TRAF3: variants seen among roughly 807,000 people sequenced by gnomAD.
The protein encoded by TRAF3 is TNF receptor associated factor 3.
Under a neutral mutation model 62.3 loss-of-function variants are expected in TRAF3, and 13 were observed. The ratio of observed to expected loss-of-function variants is 0.21; its 90% CI spans 0.14 to 0.33. The LOEUF (loss-of-function observed/expected upper bound fraction) is 0.33. Among genes scored for constraint, TRAF3 ranks in the 10% least tolerant of loss-of-function variants. The pLI is 1.00. For synonymous variants in TRAF3, 269 were observed against 283.4 expected, an observed-to-expected ratio of 0.95 and a Z score of 0.51; for missense variants, 440 against 741.8, an observed-to-expected ratio of 0.59 and a Z score of 4.73.
intron 2 of TRAF3, among the ~76,000 whole-genome samples, chr14:102,860,143 T>C (rs1887600008): frequency 6.6e-6 from 1 of 152,230 alleles, no homozygotes; most frequent in Non-Finnish European, 1.5e-5. Context: ...GAGCATGCTC[T>C]TAATCCAGAC....
intron 1 of TRAF3, among the ~76,000 whole-genome samples, chr14:102,818,463 A>G (rs1419569643): frequency 6.6e-6 from 1 of 152,236 alleles, no homozygotes; most frequent in Non-Finnish European, 1.5e-5. Flanking sequence ...TCTTGTGGAC[A>G]GATCAGGTGG....
Position 102,848,104 on chromosome 14 carries a change from A to G in TRAF3, c.-18+17632A>G, listed in dbSNP as rs779853737. Among the ~76,000 whole-genome samples, 8 of 152,184 alleles carry G rather than the reference A, an allele frequency of 5.3e-5. 1 individual carries two copies. Among genetic ancestry groups the G allele is most frequent in the Non-Finnish European group, 7.3e-5 (5 of 68,030 alleles). On this transcript the variant is annotated intron_variant, in intron 2 of 11. Coordinates refer to ENST00000392745, the MANE Select transcript of TRAF3 (RefSeq NM_145725.3). The stretch of plus-strand genomic sequence containing the variant: ...CTCATGGAGTATTGCATTTTTTGAT[A>G]CAAGAACTATTTGCTCCTTAACATC...
At chr14:102,805,308 C>T (rs566807959) in intron 1 of TRAF3, among the ~76,000 whole-genome samples, 30 of 152,298 alleles carry the variant, frequency 2.0e-4, no homozygotes, top group African/African-American at 7.0e-4. Context: ...CTCAAAAACT[C>T]TGTGGTAAAC....
intron 3 of TRAF3, among the ~76,000 whole-genome samples, chr14:102,871,218 C>T (rs1228980119): frequency 6.6e-6 from 1 of 152,228 alleles, no homozygotes; most frequent in Non-Finnish European, 1.5e-5. Context: ...AGCCCCCTGC[C>T]CTGTCACCTG....
rs1890601745 is a variant in TRAF3, at chr14:102,906,748, G to T, written c.*964G>T. The T allele has an allele frequency of 1.3e-5, 2 of 152,230 alleles. No homozygotes were observed. Among genetic ancestry groups the T allele is most frequent in the Admixed American group, 6.5e-5 (1 of 15,288 alleles). The allele number at this position is 152,230 out of a possible 1,614,324, so 9.4% of individuals were successfully genotyped here. The stretch of plus-strand genomic sequence containing the variant: ...GTGTTCGGACGAGCTCTCTGTTGCT[G>T]ACAGCACCGGCCTTCGGTCTCCATG... On this transcript the variant is annotated 3_prime_UTR_variant, in exon 12 of 12. Coordinates refer to ENST00000392745, the MANE Select transcript of TRAF3 (RefSeq NM_145725.3).
At chr14:102,895,948 C>G (rs1052701493) in intron 9 of TRAF3, among the ~76,000 whole-genome samples, 1 of 152,048 alleles carries the variant, frequency 6.6e-6, no homozygotes, top group Non-Finnish European at 1.5e-5. Flanking sequence ...GGGTGTAGCA[C>G]CCATGTAATT....
chr14:102,846,638 TAAAAAAAAAAAAAAAAA>T (rs752922791), intron 2 of TRAF3, among the ~76,000 whole-genome samples: 1 of 71,786 alleles, frequency 1.4e-5, no homozygotes, highest in African/African-American at 6.3e-5. Context: ...TCCAGCTTCT[TAAAAAAAAAAAAAAAAA>T]AAAAAAAAAA....
intron 6 of TRAF3, among the ~76,000 whole-genome samples, chr14:102,879,295 A>C (rs1348722236): frequency 1.3e-5 from 2 of 152,070 alleles, no homozygotes; most frequent in Non-Finnish European, 1.5e-5. Context: ...TGTTTGAGAG[A>C]GAGTCTCACT....
chr14:102,899,589 C>T (rs1442336110), intron 10 of TRAF3, among the ~76,000 whole-genome samples: 3 of 152,208 alleles, frequency 2.0e-5, no homozygotes, highest in African/African-American at 2.4e-5. Flanking sequence ...TCTCCTGCTT[C>T]CCTTCCTGGC....
At chr14:102,813,396 C>G (rs1899316552) in intron 1 of TRAF3, among the ~76,000 whole-genome samples, 1 of 151,506 alleles carries the variant, frequency 6.6e-6, no homozygotes, top group African/African-American at 2.4e-5. Flanking sequence ...ATTTGTATGT[C>G]TTTTGAGAAA....
At chr14:102,791,888 C>T (rs1232112125) in intron 1 of TRAF3, among the ~76,000 whole-genome samples, 3 of 151,840 alleles carry the variant, frequency 2.0e-5, no homozygotes, top group East Asian at 1.9e-4. Flanking sequence ...TCATGGCTGA[C>T]TTCAACCTCT....
chr14:102,818,888 T>G (rs1027300671), intron 1 of TRAF3, among the ~76,000 whole-genome samples: 7 of 152,174 alleles, frequency 4.6e-5, no homozygotes, highest in African/African-American at 1.7e-4. Flanking sequence ...TTTAATCATT[T>G]CACAATGTAT....
intron 2 of TRAF3, among the ~76,000 whole-genome samples, chr14:102,832,812 T>C (rs1885726991): frequency 6.6e-6 from 1 of 152,136 alleles, no homozygotes. Flanking sequence ...ACCCTAGAAT[T>C]AGAACGGGTT....
Position 102,892,194 on chromosome 14 carries a change from A to G in TRAF3, c.819+777A>G, listed in dbSNP as rs562665308. On this transcript the variant is annotated intron_variant, in intron 9 of 11. Transcript: ENST00000392745. ...TGCCTCAGCCTCCCGAGTAGCTGGT[A>G]TTACAGGTGCGCACCACCACACCCA... Among the ~76,000 whole-genome samples, 223 of 152,012 alleles carry G rather than the reference A, an allele frequency of 1.5e-3. 2 individuals carry two copies. Among genetic ancestry groups the G allele is most frequent in the African/African-American group, 5.2e-3 (217 of 41,454 alleles).
chr14:102,897,374 T>A lies in TRAF3; in HGVS notation c.933T>A (p.Asn311Lys). 1 of 1,613,984 alleles carries A rather than the reference T, an allele frequency of 6.2e-7. No homozygotes were observed. The highest frequency in any genetic ancestry group is 8.5e-7 in the Non-Finnish European group (1 of 1,179,942). The change falls in exon 10 of 12, where the codon AAT becomes AAA. Residue 311 changes from asparagine (N) to lysine (K), a missense_variant. By Grantham distance (94) the Asn-to-Lys change is moderately conservative. This residue lies in a region of TRAF3 where 255 missense variants were observed against 424.1 expected (regional missense o/e 0.60). Transcript: ENST00000392745. ...AGAGACAAAAGGAAATGCTTCGAAA[T>A]AATGAATCCAAAATCCTTCATTTAC... is the stretch of plus-strand genomic sequence containing the variant. The part of the protein sequence containing the change: ...EIERQKEMLR[N>K]NESKILHLQR...
chr14:102,847,674 C>G (rs1242150057), intron 2 of TRAF3, among the ~76,000 whole-genome samples: 1 of 152,064 alleles, frequency 6.6e-6, no homozygotes, highest in Non-Finnish European at 1.5e-5. Context: ...ACAGGTATGC[C>G]ACTAAAAAAC....
rs1206861836 is a variant in TRAF3 at position 102,876,390 on chromosome 14, A to G, written c.435A>G (p.Glu145=). The G allele has an allele frequency of 1.9e-6, 3 of 1,614,118 alleles. No individual in the cohort carries two copies. Among genetic ancestry groups the G allele is most frequent in the South Asian group, 2.2e-5 (2 of 91,088 alleles). Reference sequence around the variant, plus strand: ...TAAAAAATGATTGCCATTTTGAAGAACTTCCATGTGTGCGTCCTGACTGCA... The same window carrying G: ...TAAAAAATGATTGCCATTTTGAAGAGCTTCCATGTGTGCGTCCTGACTGCA... ...VHLKNDCHFE[E]LPCVRPDCKE... Residue 145 remains glutamate (E), a synonymous_variant, in exon 6 of 12, where the codon GAA becomes GAG. Transcript: ENST00000392745.
intron 6 of TRAF3, 39 bp from the exon 7 acceptor site, chr14:102,886,150 T>G (rs771705659): frequency 1.1e-5 from 18 of 1,604,280 alleles, no homozygotes; most frequent in Non-Finnish European, 1.4e-5. Context: ...GGAAGACAGG[T>G]TGTGTGTTTA....
intron 1 of TRAF3, among the ~76,000 whole-genome samples, chr14:102,781,978 G>C (rs1897291802): frequency 2.6e-5 from 4 of 152,022 alleles, no homozygotes; most frequent in Admixed American, 2.6e-4. Flanking sequence ...ATTTTTAGTA[G>C]AGATGGGGTT....
Sources: gnomAD v4.1 joint callset for allele counts (sites outside exome capture counted in the v4.1 genomes callset) on GRCh38, gnomAD v4.1.1 for gene constraint, gnomAD v4.1.1 regional missense constraint, MANE v1.5 for transcripts, NCBI Gene and HGNC (gene_info 2026-07-23, HGNC 2026-07-21) for gene names.